Variants in NRG3 observed in about 807,000 individuals in gnomAD.
The protein encoded by NRG3 is pro-neuregulin-3, membrane-bound isoform.
NRG3 carries 31 observed loss-of-function variants against 66.9 expected under a neutral mutation model. The ratio of observed to expected loss-of-function variants is 0.46; its 90% CI spans 0.35 to 0.63. NRG3 has a LOEUF of 0.63. Ranked by LOEUF, NRG3 falls within the 20% of genes least tolerant of loss-of-function variation. The probability of loss-of-function intolerance (pLI) is 0.00; values close to 1 mark genes in which losing one functional copy is unlikely to be tolerated. For synonymous variants in NRG3, 393 were observed against 359.4 expected, an observed-to-expected ratio of 1.09 and a Z score of -1.06; for missense variants, 910 against 878.9, an observed-to-expected ratio of 1.04 and a Z score of -0.45.
At chr10:82,377,461 CGA>C (rs1430470517) in intron 2 of NRG3, among the ~76,000 whole-genome samples, 5 of 138,456 alleles carry the variant, frequency 3.6e-5, no homozygotes, top group African/African-American at 1.7e-4. Flanking sequence ...TGTGTGTGCG[CGA>C]GCGCACATGC....
chr10:82,691,392 G>A (rs1397365964), intron 2 of NRG3, among the ~76,000 whole-genome samples: 1 of 152,000 alleles, frequency 6.6e-6, no homozygotes, highest in East Asian at 1.9e-4. Context: ...ATTTTCTCTG[G>A]CACTGTCTGC....
At chr10:82,635,427 G>C (rs1194771907) in intron 2 of NRG3, among the ~76,000 whole-genome samples, 4 of 152,120 alleles carry the variant, frequency 2.6e-5, no homozygotes, top group Non-Finnish European at 4.4e-5. Flanking sequence ...CCATGATGGA[G>C]TTGCTGGGCA....
intron 1 of NRG3, among the ~76,000 whole-genome samples, chr10:82,033,886 T>C (rs974095502): frequency 5.3e-5 from 8 of 152,162 alleles, no homozygotes; most frequent in Non-Finnish European, 8.8e-5. Context: ...ACATATTCTT[T>C]ATTCTTGCAA....
intron 1 of NRG3, among the ~76,000 whole-genome samples, chr10:82,107,848 C>G (rs2067162263): frequency 6.6e-6 from 1 of 152,204 alleles, no homozygotes; most frequent in Non-Finnish European, 1.5e-5. Flanking sequence ...GTTGAGTTTA[C>G]ATAGCTTCCT....
intron 1 of NRG3, among the ~76,000 whole-genome samples, chr10:82,057,768 G>A (rs2063920868): frequency 6.6e-6 from 1 of 152,104 alleles, no homozygotes; most frequent in African/African-American, 2.4e-5. Context: ...GCCAAAGCTA[G>A]GACCTTCATT....
At chr10:82,363,147 A>C (rs919867671) in intron 2 of NRG3, among the ~76,000 whole-genome samples, 6 of 152,168 alleles carry the variant, frequency 3.9e-5, no homozygotes, top group Non-Finnish European at 8.8e-5. Context: ...CATGTAGATC[A>C]AAGGGTAACA....
chr10:82,093,557 C>A (rs762955614), intron 1 of NRG3, among the ~76,000 whole-genome samples: 1 of 152,162 alleles, frequency 6.6e-6, no homozygotes, highest in Non-Finnish European at 1.5e-5. Context: ...AGCATCCATA[C>A]GCACTTGATT....
At chr10:82,925,105 G>C (rs545402171) in intron 4 of NRG3, among the ~76,000 whole-genome samples, 2 of 152,082 alleles carry the variant, frequency 1.3e-5, no homozygotes, top group Admixed American at 6.6e-5. Flanking sequence ...TGAGACTAGG[G>C]GAAGACAAAG....
At chr10:82,126,161 T>G (rs1048336485) in intron 1 of NRG3, among the ~76,000 whole-genome samples, 1 of 152,088 alleles carries the variant, frequency 6.6e-6, no homozygotes, top group Non-Finnish European at 1.5e-5. Flanking sequence ...TCACCATTAA[T>G]GAAGACATAG....
At chr10:82,302,824 T>G (rs1239054296) in intron 1 of NRG3, among the ~76,000 whole-genome samples, 2 of 152,204 alleles carry the variant, frequency 1.3e-5, no homozygotes, top group African/African-American at 4.8e-5. Context: ...CCTTAAGATA[T>G]TGGACTTGTA....
chr10:81,880,576 C>T (rs533971949), intron 1 of NRG3, among the ~76,000 whole-genome samples: 86 of 152,280 alleles, frequency 5.6e-4, no homozygotes, highest in Admixed American at 1.0e-3. Context: ...ACTTTCTCAG[C>T]CCTTCCTCCC....
intron 2 of NRG3, among the ~76,000 whole-genome samples, chr10:82,360,637 A>T (rs2084073161): frequency 6.6e-6 from 1 of 152,170 alleles, no homozygotes; most frequent in Non-Finnish European, 1.5e-5. Flanking sequence ...TGAGTGTATG[A>T]ATTTGCTAGG....
intron 2 of NRG3, among the ~76,000 whole-genome samples, chr10:82,386,488 G>A (rs1232557268): frequency 1.3e-5 from 2 of 152,102 alleles, no homozygotes; most frequent in Non-Finnish European, 2.9e-5. Context: ...CCTAATTTTG[G>A]TTTAAATTAA....
At chr10:82,134,400 T>C (rs1471904725) in intron 1 of NRG3, among the ~76,000 whole-genome samples, 1 of 152,212 alleles carries the variant, frequency 6.6e-6, no homozygotes, top group Non-Finnish European at 1.5e-5. Context: ...GGGTTTTATA[T>C]TTACACCTTT....
At chr10:82,976,405 C>G (rs1852259232) in intron 7 of NRG3, among the ~76,000 whole-genome samples, 1 of 152,060 alleles carries the variant, frequency 6.6e-6, no homozygotes, top group African/African-American at 2.4e-5. Flanking sequence ...TGAAATAATT[C>G]CAGGGTTTTC....
chr10:82,289,779 C>T (rs1232946707), intron 1 of NRG3, among the ~76,000 whole-genome samples: 2 of 152,062 alleles, frequency 1.3e-5, no homozygotes, highest in Non-Finnish European at 2.9e-5. Context: ...AATGATTCCC[C>T]AGTTAATGTA....
intron 1 of NRG3, among the ~76,000 whole-genome samples, chr10:82,190,702 C>T (rs2074093381): frequency 6.6e-6 from 1 of 152,126 alleles, no homozygotes; most frequent in Non-Finnish European, 1.5e-5. Flanking sequence ...CTTTCAGCTG[C>T]CAACTAGGGA....
At chr10:82,491,685 T>G (rs1241329068) in intron 2 of NRG3, among the ~76,000 whole-genome samples, 1 of 152,150 alleles carries the variant, frequency 6.6e-6, no homozygotes, top group Non-Finnish European at 1.5e-5. Flanking sequence ...AGGCTTCATA[T>G]AAACCACTGA....
At chr10:82,158,144 A>G (rs1351525530) in intron 1 of NRG3, among the ~76,000 whole-genome samples, 1 of 151,778 alleles carries the variant, frequency 6.6e-6, no homozygotes, top group African/African-American at 2.4e-5. Context: ...AACCTTGATA[A>G]GGAAAATATG....
Sources: gnomAD v4.1 joint callset for allele counts (sites outside exome capture counted in the v4.1 genomes callset) on GRCh38, gnomAD v4.1.1 for gene constraint, MANE v1.5 for transcripts, NCBI Gene and HGNC (gene_info 2026-07-23, HGNC 2026-07-21) for gene names.